SCGB2B2: variants seen among roughly 807,000 people sequenced by gnomAD.
The protein encoded by SCGB2B2 is secretoglobin family 2B member 2.
In SCGB2B2, 11 loss-of-function variants were observed where a neutral mutation model predicts 7.6. The ratio of observed to expected loss-of-function variants is 1.45; its 90% CI spans 0.91 to 2.40. SCGB2B2 has a LOEUF of 2.40. Ranked by LOEUF, SCGB2B2 falls within the 30% of genes most tolerant of loss-of-function variation. The probability of loss-of-function intolerance (pLI) is 0.00; values close to 1 mark genes in which losing one functional copy is unlikely to be tolerated. For synonymous variants in SCGB2B2, 50 were observed against 48.6 expected (o/e 1.03, Z -0.12); for missense variants, 104 against 115.4 (o/e 0.90, Z 0.45).
Position 34,594,639 on chromosome 19 carries a change from G to T in SCGB2B2, c.-76C>A. ...TGAGCTTTATGTATATCTGAACAAG[G>T]CACATGCCTCTTCGTGTGTGTGTGT... On this transcript the variant is annotated 5_prime_UTR_variant, in exon 2 of 4. The change creates a premature stop within an existing upstream ORF in the 5' untranslated region. Transcript: ENST00000601241. 9.6e-7 allele frequency: 1 copy of T among 1,041,622 alleles called. No individual in the cohort carries two copies. Among genetic ancestry groups the T allele is most frequent in the Non-Finnish European group, 1.5e-6 (1 of 671,330 alleles). 64.5% of individuals were successfully genotyped at this position (1,041,622 alleles called of 1,614,324 possible).
At chr19:34,629,479 T>TA (rs2066468455) in intron 1 of SCGB2B2, among the ~76,000 whole-genome samples, 1 of 151,754 alleles carries the variant, frequency 6.6e-6, no homozygotes, top group Non-Finnish European at 1.5e-5. Context: ...CAATAACAGA[T>TA]AAACAGAGAA....
chr19:34,632,829 G>A (rs1030422371), intron 1 of SCGB2B2: 1 of 152,192 alleles, frequency 6.6e-6, no homozygotes, highest in African/African-American at 2.4e-5. Flanking sequence ...TCTTAGAGAT[G>A]GCAAAAGCCT....
intron 1 of SCGB2B2, among the ~76,000 whole-genome samples, chr19:34,607,049 CG>C (rs1262079397): frequency 1.3e-5 from 2 of 152,182 alleles, no homozygotes; most frequent in Non-Finnish European, 2.9e-5. Context: ...ATTCATCCCC[CG>C]GCTACACTTT....
intron 1 of SCGB2B2, among the ~76,000 whole-genome samples, chr19:34,616,281 T>C (rs2066077354): frequency 6.7e-6 from 1 of 149,122 alleles, no homozygotes; most frequent in African/African-American, 2.4e-5. Flanking sequence ...TACACAATGG[T>C]TGAACTAGTT....
intron 1 of SCGB2B2, among the ~76,000 whole-genome samples, chr19:34,662,700 G>A (rs957505634): frequency 2.0e-5 from 3 of 152,134 alleles, no homozygotes; most frequent in Admixed American, 2.0e-4. Flanking sequence ...AACTCCTTTA[G>A]CACATTGGGA....
At chr19:34,666,037 C>T (rs2067611157) in intron 1 of SCGB2B2, among the ~76,000 whole-genome samples, 2 of 152,118 alleles carry the variant, frequency 1.3e-5, no homozygotes, top group South Asian at 2.1e-4. Flanking sequence ...GGAGCCCACA[C>T]CTTTCAGCTG....
chr19:34,631,007 C>T (rs2066514353), intron 1 of SCGB2B2, among the ~76,000 whole-genome samples: 1 of 150,762 alleles, frequency 6.6e-6, no homozygotes, highest in Non-Finnish European at 1.5e-5. Flanking sequence ...AGCAAACTAT[C>T]ACAAGGACAA....
intron 1 of SCGB2B2, among the ~76,000 whole-genome samples, chr19:34,674,488 C>G (rs1246394273): frequency 6.6e-6 from 1 of 152,142 alleles, no homozygotes; most frequent in Non-Finnish European, 1.5e-5. Flanking sequence ...TATGAAGCAA[C>G]TATACCTACC....
In SCGB2B2 at chr19:34,591,844, A is replaced by G. The variant is rs1331212183; in HGVS notation, c.*1711T>C. 1.3e-5 allele frequency among the ~76,000 whole-genome samples: 2 copies of G among 152,098 alleles called. No homozygotes were observed. Among genetic ancestry groups the G allele is most frequent in the Non-Finnish European group, 2.9e-5 (2 of 68,022 alleles). Reference sequence around the variant, plus strand: ...CCTCAAGCCAGTCCCGCCTGATCACATTTCCCTGTTGGGTGGTCCTTGTGG... The same window carrying G: ...CCTCAAGCCAGTCCCGCCTGATCACGTTTCCCTGTTGGGTGGTCCTTGTGG... On this transcript the variant is annotated 3_prime_UTR_variant, in exon 4 of 4. Transcript: ENST00000601241.
chr19:34,613,310 C>A (rs2065986273), intron 1 of SCGB2B2, among the ~76,000 whole-genome samples: 1 of 152,086 alleles, frequency 6.6e-6, no homozygotes. Flanking sequence ...GTTGGCCCAG[C>A]TGGTCTCAAA....
chr19:34,628,584 G>C (rs8106514), intron 1 of SCGB2B2, among the ~76,000 whole-genome samples: 76,107 of 151,502 alleles, frequency 0.5, 20,333 homozygotes, highest in African/African-American at 0.63. Context: ...TTGAATCCCT[G>C]AATAGACCAA....
At chr19:34,597,610 G>C (rs2065496265) in intron 1 of SCGB2B2, among the ~76,000 whole-genome samples, 1 of 152,240 alleles carries the variant, frequency 6.6e-6, no homozygotes, top group Non-Finnish European at 1.5e-5. Context: ...TATGCGCCTT[G>C]TGACCAAGGG....
chr19:34,618,743 TATA>T (rs1396626688), intron 1 of SCGB2B2, among the ~76,000 whole-genome samples: 4 of 152,346 alleles, frequency 2.6e-5, no homozygotes, highest in African/African-American at 9.6e-5. Context: ...AAGCACATGT[TATA>T]ATATTAACTT....
At chr19:34,602,968 G>A (rs1260892542) in intron 1 of SCGB2B2, among the ~76,000 whole-genome samples, 1 of 152,188 alleles carries the variant, frequency 6.6e-6, no homozygotes, top group African/African-American at 2.4e-5. Flanking sequence ...TAAGGTTAGA[G>A]TGGTTTCCTC....
At chr19:34,619,954 G>A (rs187094049) in intron 1 of SCGB2B2, among the ~76,000 whole-genome samples, 17 of 152,236 alleles carry the variant, frequency 1.1e-4, no homozygotes, top group Admixed American at 9.8e-4. Flanking sequence ...ACCTTTTCAA[G>A]TGCACAACTG....
At chr19:34,629,358 C>T (rs113815208) in intron 1 of SCGB2B2, among the ~76,000 whole-genome samples, 1 of 151,830 alleles carries the variant, frequency 6.6e-6, no homozygotes, top group East Asian at 1.9e-4. Flanking sequence ...CATGATTGTA[C>T]ATTTAGAAAA....
intron 1 of SCGB2B2, among the ~76,000 whole-genome samples, chr19:34,607,660 G>T (rs138051224): frequency 6.6e-6 from 1 of 152,296 alleles, no homozygotes; most frequent in Admixed American, 6.5e-5. Context: ...GTGTAAGGTG[G>T]TATGTTGTGG....
At chr19:34,635,272 T>C (rs2066643848) in intron 1 of SCGB2B2, 1 of 292,044 alleles carries the variant, frequency 3.4e-6, no homozygotes, top group Admixed American at 3.8e-5. Context: ...CAGTGTGGAC[T>C]TTCTCCAGTG....
intron 1 of SCGB2B2, among the ~76,000 whole-genome samples, chr19:34,644,213 T>C (rs1278336477): frequency 1.3e-5 from 2 of 152,170 alleles, no homozygotes; most frequent in African/African-American, 4.8e-5. Flanking sequence ...AAAATTTTGT[T>C]TGTAGAGGCA....
Sources: gnomAD v4.1 joint callset for allele counts (sites outside exome capture counted in the v4.1 genomes callset) on GRCh38, gnomAD v4.1.1 for gene constraint, MANE v1.5 for transcripts, NCBI Gene and HGNC (gene_info 2026-07-23, HGNC 2026-07-21) for gene names.